The following DNAH11 variants were observed in gnomAD, a reference collection of about 807,000 sequenced individuals.
DNAH11 encodes the protein axonemal beta dynein heavy chain 11.
Under a neutral mutation model 526.0 loss-of-function variants are expected in DNAH11, and 442 were observed. The observed-to-expected ratio is 0.84, with a 90% CI of 0.78 to 0.91. The LOEUF (loss-of-function observed/expected upper bound fraction) is 0.91, where lower values mean the gene tolerates loss of function less well. Among genes scored for constraint, DNAH11 ranks in the 40% least tolerant of loss-of-function variants. The pLI, the probability that DNAH11 is intolerant of heterozygous loss-of-function variation, is 0.00. For synonymous variants in DNAH11, 2,461 were observed against 1,935.9 expected (o/e 1.27, Z -7.12); for missense variants, 6,989 against 5,448.7 (o/e 1.28, Z -8.90).
chr7:21,864,695 A>C (rs780801308), intron 70 of DNAH11, 38 bp downstream of exon 70: 1 of 1,537,396 alleles, frequency 6.5e-7, no homozygotes, highest in Non-Finnish European at 8.7e-7. Context: ...TCTGGATCTT[A>C]TTTAAAATAT....
intron 56 of DNAH11, among the ~76,000 whole-genome samples, chr7:21,777,217 T>A (rs1423773699): frequency 6.6e-6 from 1 of 152,206 alleles, no homozygotes; most frequent in Non-Finnish European, 1.5e-5. Context: ...TCATTCAGCA[T>A]AATTCCCCTG....
intron 65 of DNAH11, among the ~76,000 whole-genome samples, chr7:21,838,312 C>G (rs148937394): frequency 6.6e-6 from 1 of 152,224 alleles, no homozygotes; most frequent in African/African-American, 2.4e-5. Context: ...AACTTACAGA[C>G]TGATAAAAGC....
intron 65 of DNAH11, among the ~76,000 whole-genome samples, chr7:21,826,930 G>A (rs919379789): frequency 4.6e-5 from 7 of 152,186 alleles, no homozygotes; most frequent in African/African-American, 1.7e-4. Context: ...ATGAATGTCT[G>A]AGAAATGTTT....
intron 54 of DNAH11, among the ~76,000 whole-genome samples, chr7:21,751,882 T>A (rs1307445237): frequency 6.6e-6 from 1 of 152,216 alleles, no homozygotes; most frequent in East Asian, 1.9e-4. Flanking sequence ...TCCTGTTCCA[T>A]GGTGATATAC....
intron 63 of DNAH11, among the ~76,000 whole-genome samples, chr7:21,812,787 A>G (rs1451156177): frequency 6.6e-6 from 1 of 152,154 alleles, no homozygotes; most frequent in Non-Finnish European, 1.5e-5. Context: ...AAATCATGTG[A>G]GAGGGAACTT....
chr7:21,567,527 C>T (rs1313861061), intron 6 of DNAH11, among the ~76,000 whole-genome samples: 1 of 152,184 alleles, frequency 6.6e-6, no homozygotes, highest in Non-Finnish European at 1.5e-5. Context: ...ATTTCAGCCT[C>T]CACTGAAAAC....
At chr7:21,834,857 C>G (rs1306726512) in intron 65 of DNAH11, among the ~76,000 whole-genome samples, 1 of 151,590 alleles carries the variant, frequency 6.6e-6, no homozygotes, top group African/African-American at 2.4e-5. Flanking sequence ...GATGCTGTCC[C>G]AAAAAAACAA....
intron 62 of DNAH11, among the ~76,000 whole-genome samples, chr7:21,806,488 C>A (rs964414316): frequency 6.6e-6 from 1 of 152,106 alleles, no homozygotes; most frequent in Non-Finnish European, 1.5e-5. Flanking sequence ...ATCTTGAAAC[C>A]ACTTTGATAA....
intron 36 of DNAH11, among the ~76,000 whole-genome samples, chr7:21,701,842 G>A (rs1169533253): frequency 6.6e-6 from 1 of 152,098 alleles, no homozygotes; most frequent in African/African-American, 2.4e-5. Flanking sequence ...TGATTCTGAG[G>A]CTCTGGGAGG....
intron 35 of DNAH11, among the ~76,000 whole-genome samples, chr7:21,693,328 G>T (rs959275627): frequency 5.3e-5 from 8 of 152,170 alleles, no homozygotes; most frequent in African/African-American, 1.9e-4. Context: ...AGCTCCGCTT[G>T]GTCAGGAGGT....
chr7:21,685,684 T>C (rs1783342980), intron 32 of DNAH11, among the ~76,000 whole-genome samples: 1 of 152,212 alleles, frequency 6.6e-6, no homozygotes, highest in East Asian at 1.9e-4. Context: ...GTTAAGCTGC[T>C]GTTAGATATT....
intron 30 of DNAH11, among the ~76,000 whole-genome samples, chr7:21,666,938 C>A (rs1017068988): frequency 6.6e-6 from 1 of 151,794 alleles, no homozygotes; most frequent in African/African-American, 2.4e-5. Context: ...AATACAGGAA[C>A]AGATGATTTG....
intron 28 of DNAH11, among the ~76,000 whole-genome samples, chr7:21,654,784 G>C (rs1781939406): frequency 6.6e-6 from 1 of 152,158 alleles, no homozygotes; most frequent in Non-Finnish European, 1.5e-5. Flanking sequence ...AGAGATGATA[G>C]AGTAACTTCC....
In DNAH11 at chr7:21,786,652, C is replaced by G. The variant is rs1358490203; in HGVS notation, c.9626C>G (p.Pro3209Arg). The stretch of plus-strand genomic sequence containing the variant: ...AACCTCAGTGAGCTGAAAGCCTTTC[C>G]CAACCCTCCCATCGCAGTTACCAAT... ...RVNLSELKAF[P>R]NPPIAVTNVT... Residue 3209 changes from proline (P) to arginine (R), a missense_variant, in exon 59 of 82, where the codon CCC becomes CGC. Transcript: ENST00000409508. 1.2e-6 allele frequency: 2 copies of G among 1,613,298 alleles called. No homozygotes were observed. The highest frequency in any genetic ancestry group is 1.7e-6 in the Non-Finnish European group (2 of 1,179,422).
At chr7:21,894,184 C>T (rs1784425975) in intron 77 of DNAH11, among the ~76,000 whole-genome samples, 1 of 152,104 alleles carries the variant, frequency 6.6e-6, no homozygotes, top group African/African-American at 2.4e-5. Flanking sequence ...CCACTGTGCC[C>T]AGCCCCTGGT....
chr7:21,634,287 A>T (rs1386667187), intron 25 of DNAH11, among the ~76,000 whole-genome samples: 1 of 152,178 alleles, frequency 6.6e-6, no homozygotes, highest in African/African-American at 2.4e-5. Context: ...TGAACTAGAT[A>T]AAGAGACTAA....
chr7:21,607,362 C>T (rs774731770), intron 20 of DNAH11, among the ~76,000 whole-genome samples: 16 of 152,142 alleles, frequency 1.1e-4, no homozygotes, highest in Non-Finnish European at 1.6e-4. Flanking sequence ...TTGCCTCTCC[C>T]AGTCTCCTGA....
chr7:21,774,429 T>C (rs1787575214), intron 56 of DNAH11, among the ~76,000 whole-genome samples: 1 of 152,076 alleles, frequency 6.6e-6, no homozygotes, highest in South Asian at 2.1e-4. Context: ...GTAGAGCTGT[T>C]CCTCCCTTAG....
At chr7:21,646,388 C>G (rs1040912079) in intron 28 of DNAH11, among the ~76,000 whole-genome samples, 4 of 152,176 alleles carry the variant, frequency 2.6e-5, no homozygotes, top group African/African-American at 9.7e-5. Flanking sequence ...GGATTCATCA[C>G]AGGTGAGGAA....
Sources: allele counts gnomAD v4.1 joint callset (sites outside exome capture counted in the v4.1 genomes callset), GRCh38; gene constraint gnomAD v4.1.1; transcripts MANE v1.5; gene names NCBI Gene and HGNC (gene_info 2026-07-23, HGNC 2026-07-21).